Variants in SBNO1 observed in about 807,000 individuals in gnomAD.
SBNO1 encodes strawberry notch homolog 1, also known as protein strawberry notch homolog 1.
SBNO1 carries 23 observed loss-of-function variants against 173.6 expected under a neutral mutation model. That is an observed-to-expected ratio of 0.13 (90% CI 0.10 to 0.19). The LOEUF is 0.19. Ranked by LOEUF, SBNO1 falls within the 10% of genes least tolerant of loss-of-function variation. SBNO1 has a pLI of 1.00. For synonymous variants in SBNO1, 632 were observed against 571.5 expected (o/e 1.11, Z -1.51); for missense variants, 1,238 against 1,671.2 (o/e 0.74, Z 4.52).
In SBNO1 at chr12:123,307,020, T is replaced by TAAAAAA. The variant is rs34105162; in HGVS notation, c.3630+2284_3630+2289dup. Among the ~76,000 whole-genome samples the TAAAAAA allele has an allele frequency of 3.9e-4, 25 of 64,432 alleles. No individual in the cohort carries two copies. In the East Asian group the frequency reaches 0.011, roughly 28 times the overall value. The allele number at this position is 64,432 out of a possible 152,430, so 42.3% of individuals were successfully genotyped here. On this transcript the variant is annotated intron_variant, in intron 28 of 31. Transcript: ENST00000602398. ...CAACACAGTGAGACATCAACTGCATTAAAAAAAAAAAAAAAAAAAAAAGCC... is the reference window on the plus strand; with the variant it reads ...CAACACAGTGAGACATCAACTGCATTAAAAAAAAAAAAAAAAAAAAAAAAAAAAGCC...
chr12:123,363,851 G>T (rs1234647248), intron 1 of SBNO1: 3 of 985,376 alleles, frequency 3.0e-6, no homozygotes, highest in Non-Finnish European at 3.6e-6. Flanking sequence ...GGAAGGGGAG[G>T]AGCTGGATGC....
chr12:123,307,853 C>G (rs1433626338), intron 28 of SBNO1, among the ~76,000 whole-genome samples: 1 of 152,082 alleles, frequency 6.6e-6, no homozygotes. Context: ...AGGCGGATCA[C>G]CTGAGGTCAG....
Position 123,295,094 on chromosome 12 carries a change from A to G in SBNO1, c.*814T>C, listed in dbSNP as rs1388599144. On this transcript the variant is annotated 3_prime_UTR_variant, in exon 32 of 32. Transcript: ENST00000602398. Reference sequence around the variant, plus strand: ...AGAGGCTCATAGCCATTTCTGCAGCACACATTAGGAATACTATTAATACAT... The same window carrying G: ...AGAGGCTCATAGCCATTTCTGCAGCGCACATTAGGAATACTATTAATACAT... The G allele has an allele frequency of 6.6e-6, 1 of 152,244 alleles. No homozygotes were observed. Among genetic ancestry groups the G allele is most frequent in the Non-Finnish European group, 1.5e-5 (1 of 68,048 alleles). The allele number at this position is 152,244 out of a possible 1,614,324, so 9.4% of individuals were successfully genotyped here.
chr12:123,348,267 T>C (rs1873451543), intron 2 of SBNO1, 134 bp from the exon 3 acceptor site: 8 of 528,620 alleles, frequency 1.5e-5, no homozygotes, highest in Non-Finnish European at 2.8e-5. Context: ...AGCAGATTTA[T>C]AATGTAATAA....
chr12:123,306,307 T>C (rs983777833), intron 28 of SBNO1, among the ~76,000 whole-genome samples: 3 of 152,198 alleles, frequency 2.0e-5, no homozygotes, highest in Non-Finnish European at 4.4e-5. Context: ...GATTCTGACA[T>C]TGTTTTCCCA....
chr12:123,333,923 C>T, intron 7 of SBNO1, 130 bp downstream of exon 7: 2 of 566,474 alleles, frequency 3.5e-6, no homozygotes, highest in Non-Finnish European at 5.8e-6. Flanking sequence ...AATTTTCCAA[C>T]ACATTAAACT....
At chr12:123,356,716 T>A (rs1429136949) in intron 1 of SBNO1, among the ~76,000 whole-genome samples, 1 of 152,176 alleles carries the variant, frequency 6.6e-6, no homozygotes, top group Non-Finnish European at 1.5e-5. Flanking sequence ...AGTGTTGGGA[T>A]TACAGGCGTG....
intron 19 of SBNO1, 26 bp downstream of exon 19, chr12:123,320,406 T>A (rs1869820335): frequency 6.3e-7 from 1 of 1,583,924 alleles, no homozygotes; most frequent in African/African-American, 1.4e-5. Context: ...GGCAAAAATG[T>A]CACCAAGAGA....
chr12:123,342,063 G>A (rs1593395117), intron 4 of SBNO1, among the ~76,000 whole-genome samples: 1 of 151,792 alleles, frequency 6.6e-6, no homozygotes, highest in African/African-American at 2.4e-5. Context: ...CAGCACTTTG[G>A]GAGGCCGAGG....
In SBNO1 at chr12:123,319,977, C is replaced by T; in HGVS notation, c.2722G>A (p.Glu908Lys). 6.2e-7 allele frequency: 1 copy of T among 1,613,958 alleles called. No individual in the cohort carries two copies. Among genetic ancestry groups the T allele is most frequent in the Non-Finnish European group, 8.5e-7 (1 of 1,179,836 alleles). Residue 908 changes from glutamate (E) to lysine (K), a missense_variant, in exon 20 of 32, where the codon GAG becomes AAG. Physicochemically the swap from Glu to Lys is moderately conservative, Grantham distance 56. Around this residue, in one of 14 missense-constraint regions of SBNO1, gnomAD observed 45 missense variants for 85.5 expected, o/e 0.53. Coordinates refer to ENST00000602398, the MANE Select transcript of SBNO1 (RefSeq NM_001167856.3). ...VSNDDGSISY[E>K]SRSELDVPVE... is the part of the protein sequence containing the mutation. ...GGCACATCAAGTTCAGATCTTGACT[C>T]ATAAGATATGCTTCCATCATCATTG...
rs750563084 is a variant in SBNO1, at chr12:123,297,969, T to TA, written c.4039+8dup. ...CTGCAACTCAAACCAAAACAAAAAT[T>TA]AGACTCACCTACAATCCGTTGCCCA... On this transcript the variant is annotated intron_variant, in intron 31 of 31. Transcript: ENST00000602398. The TA allele has an allele frequency of 1.9e-6, 3 of 1,608,484 alleles. No homozygotes were observed. The highest frequency in any genetic ancestry group is 2.5e-6 in the Non-Finnish European group (3 of 1,178,612).
chr12:123,352,552 A>G (rs71456792), intron 1 of SBNO1, among the ~76,000 whole-genome samples: 1 of 152,162 alleles, frequency 6.6e-6, no homozygotes, highest in Non-Finnish European at 1.5e-5. Context: ...TTGGCCTCCC[A>G]AAGTGCTGGG....
intron 31 of SBNO1, 32 bp downstream of exon 31, chr12:123,297,946 G>T: frequency 6.3e-7 from 1 of 1,598,672 alleles, no homozygotes; most frequent in African/African-American, 1.4e-5. Context: ...ATTTTTTCCT[G>T]CAACTCAAAC....
At position 123,320,494 on chromosome 12, in the gene SBNO1, G is replaced by A; in HGVS notation, c.2605C>T (p.Leu869Phe). 6.2e-7 allele frequency: 1 copy of A among 1,614,030 alleles called. No homozygotes were observed. The highest frequency in any genetic ancestry group is 1.3e-5 in the African/African-American group (1 of 75,006). Residue 869 changes from leucine to phenylalanine, a missense_variant, in exon 19 of 32, where the codon CTC becomes TTC. Transcript: ENST00000602398. The stretch of plus-strand genomic sequence containing the variant: ...AGTTCATCCAGGGTATTAGGGGGGA[G>A]GTCTTCAGCTAATTTTTCTAGCTTA... The part of the protein sequence containing the change: ...LDKLEKLAED[L>F]PPNTLDELID...
At position 123,295,668 on chromosome 12, in the gene SBNO1, A is replaced by G; in HGVS notation, c.*240T>C. ...CACACATCCCCCTCTGCTCACCCGA[A>G]GTAAAAGCAGATGGGAATTATCAGG... On this transcript the variant is annotated 3_prime_UTR_variant, in exon 32 of 32. Transcript: ENST00000602398. 1 of 485,066 alleles carries G rather than the reference A, an allele frequency of 2.1e-6. No individual in the cohort carries two copies. Among genetic ancestry groups the G allele is most frequent in the East Asian group, 3.4e-5 (1 of 29,308 alleles). 30.0% of individuals were successfully genotyped at this position (485,066 alleles called of 1,614,324 possible). A position where few individuals can be genotyped will look rare whatever the true frequency, so the allele number is the denominator to read the frequency against.
chr12:123,350,252 A>T (rs1380891729), intron 2 of SBNO1, 58 bp downstream of exon 2: 15 of 1,426,172 alleles, frequency 1.1e-5, no homozygotes, highest in Middle Eastern at 1.9e-4. Context: ...AGACTATCTT[A>T]AAAAAAAATA....
At chr12:123,328,917 TTTAG>T (rs1566039178) in intron 9 of SBNO1, 22 bp from the exon 10 acceptor site, 10 of 1,394,216 alleles carry the variant, frequency 7.2e-6, no homozygotes, top group East Asian at 2.3e-5. Context: ...AAGAAAAGAA[TTTAG>T]TTAATTAGTA....
chr12:123,311,691 C>CAATCAAT (rs1424278237), intron 24 of SBNO1, among the ~76,000 whole-genome samples: 2 of 121,768 alleles, frequency 1.6e-5, no homozygotes, highest in Non-Finnish European at 3.3e-5. Context: ...AAACAAGTAA[C>CAATCAAT]CTATCTATCT....
At position 123,341,159 on chromosome 12, in the gene SBNO1, A is replaced by C. The variant is rs1872519517; in HGVS notation, c.551-71T>G. The stretch of plus-strand genomic sequence containing the variant: ...TTATTTTCCCATTATTTAAAAATCC[A>C]GAAGTTTAAGGCTGCTGCGGTGGCT... On this transcript the variant is annotated intron_variant, in intron 4 of 31. Transcript: ENST00000602398. The C allele has an allele frequency of 5.3e-6, 5 of 935,106 alleles. No homozygotes were observed. The East Asian group carries it at 1.3e-4, about 25-fold the overall frequency. 57.9% of individuals were successfully genotyped at this position (935,106 alleles called of 1,614,324 possible).
Sources: allele counts gnomAD v4.1 joint callset (sites outside exome capture counted in the v4.1 genomes callset), GRCh38; gene constraint gnomAD v4.1.1; regional missense constraint gnomAD v4.1.1; transcripts MANE v1.5; gene names NCBI Gene and HGNC (gene_info 2026-07-23, HGNC 2026-07-21).